Variants in CLPB observed in about 807,000 individuals in gnomAD.
CLPB encodes ClpB family mitochondrial disaggregase.
A neutral mutation model predicts 78.4 loss-of-function variants in CLPB; 40 were observed. That is an observed-to-expected ratio of 0.51 (90% CI 0.40 to 0.66). The LOEUF is 0.66. CLPB is among the 30% of genes least tolerant of loss of function. The pLI is 0.00. For missense variants in CLPB, 780 were observed against 886.9 expected, an observed-to-expected ratio of 0.88 and a Z score of 1.53; for synonymous variants, 333 against 348.0, an observed-to-expected ratio of 0.96 and a Z score of 0.48.
chr11:72,324,967 T>C (rs1313672988), intron 6 of CLPB, among the ~76,000 whole-genome samples: 1 of 152,094 alleles, frequency 6.6e-6, no homozygotes, highest in African/African-American at 2.4e-5. Context: ...AAATAAAATA[T>C]ATAGGATAGG....
At chr11:72,401,321 G>C (rs1426797847) in intron 3 of CLPB, among the ~76,000 whole-genome samples, 1 of 152,040 alleles carries the variant, frequency 6.6e-6, no homozygotes, top group Non-Finnish European at 1.5e-5. Flanking sequence ...TGCGCCTGTA[G>C]TCCCAGCTAC....
At chr11:72,343,940 C>T (rs1590820478) in intron 5 of CLPB, among the ~76,000 whole-genome samples, 1 of 152,074 alleles carries the variant, frequency 6.6e-6, no homozygotes, top group African/African-American at 2.4e-5. Flanking sequence ...TAATTATGGC[C>T]CCATTATGAC....
chr11:72,376,344 C>T (rs146576659), intron 4 of CLPB, among the ~76,000 whole-genome samples: 8 of 151,936 alleles, frequency 5.3e-5, no homozygotes, highest in East Asian at 1.9e-4. Flanking sequence ...TTTCCTTAAA[C>T]GGAAAAAGGA....
At chr11:72,355,672 G>A (rs1418356350) in intron 5 of CLPB, among the ~76,000 whole-genome samples, 1 of 152,180 alleles carries the variant, frequency 6.6e-6, no homozygotes, top group African/African-American at 2.4e-5. Flanking sequence ...TGAAGCCTGA[G>A]GTTCCCTTTC....
In CLPB at chr11:72,380,271, C is replaced by A. The variant is rs1352562075; in HGVS notation, c.646+10G>T. 6.2e-7 allele frequency: 1 copy of A among 1,601,366 alleles called. No homozygotes were observed. On this transcript the variant is annotated intron_variant, in intron 4 of 15. Transcript: ENST00000538039. ...AGAGCTCTCAGAGAAGCAGGACAGC[C>A]CACACTTACCTTCCAAAGAATGGAT...
At position 72,294,015 on chromosome 11, in the gene CLPB, T is replaced by C. The variant is rs745442561; in HGVS notation, c.1785+7A>G. The stretch of plus-strand genomic sequence containing the variant: ...AGGCGCCTCATTTCTCAGGCTCCTG[T>C]GCTCACCTCATGTTTGATGGAGCGG... On this transcript the variant is annotated splice_region_variant and intron_variant, in intron 15 of 15. Coordinates refer to ENST00000538039, the MANE Select transcript of CLPB (RefSeq NM_001258392.3). 11 of 1,612,470 alleles carry C rather than the reference T, an allele frequency of 6.8e-6. No homozygotes were observed. The highest frequency in any genetic ancestry group is 1.6e-4 in the Middle Eastern group (1 of 6,080).
intron 5 of CLPB, chr11:72,355,176 A>T (rs1950687850): frequency 6.6e-6 from 1 of 152,212 alleles, no homozygotes; most frequent in East Asian, 1.9e-4. Flanking sequence ...AGACGACGTT[A>T]AGCAGTCTGT....
intron 5 of CLPB, among the ~76,000 whole-genome samples, chr11:72,334,925 C>T (rs775908772): frequency 2.0e-5 from 3 of 152,250 alleles, no homozygotes; most frequent in Non-Finnish European, 2.9e-5. Flanking sequence ...CCTGGCAGCA[C>T]TGCTGCGGCT....
chr11:72,336,861 T>G (rs113892036), intron 5 of CLPB: 7,797 of 382,296 alleles, frequency 0.02, 356 homozygotes, highest in African/African-American at 0.12. Context: ...GCACCTTCCC[T>G]GTGTCCACGC....
At chr11:72,422,363 G>T (rs1036926526) in intron 2 of CLPB, among the ~76,000 whole-genome samples, 2 of 151,810 alleles carry the variant, frequency 1.3e-5, no homozygotes, top group African/African-American at 4.8e-5. Context: ...ACTTAGGGTA[G>T]GTCAGTGACT....
intron 7 of CLPB, among the ~76,000 whole-genome samples, chr11:72,314,575 A>G (rs1242320534): frequency 6.6e-6 from 1 of 152,162 alleles, no homozygotes; most frequent in African/African-American, 2.4e-5. Context: ...CTTTAATTTA[A>G]CAAACTGCAC....
At chr11:72,423,376 CT>C (rs1856266529) in intron 2 of CLPB, among the ~76,000 whole-genome samples, 3 of 152,196 alleles carry the variant, frequency 2.0e-5, no homozygotes, top group Admixed American at 2.0e-4. Context: ...CATTAAGACC[CT>C]TTTCTCCCTA....
At chr11:72,322,698 C>T (rs927357668) in intron 6 of CLPB, among the ~76,000 whole-genome samples, 4 of 152,200 alleles carry the variant, frequency 2.6e-5, no homozygotes, top group Admixed American at 1.3e-4. Flanking sequence ...TATCTCATAA[C>T]TGGTAGTCTT....
chr11:72,328,556 G>T (rs908627760), intron 6 of CLPB, among the ~76,000 whole-genome samples: 2 of 152,204 alleles, frequency 1.3e-5, no homozygotes, highest in Non-Finnish European at 2.9e-5. Flanking sequence ...TTCAGTCTCA[G>T]TCCAGGGAGC....
At chr11:72,397,633 G>T (rs1052977789) in intron 3 of CLPB, among the ~76,000 whole-genome samples, 1 of 152,100 alleles carries the variant, frequency 6.6e-6, no homozygotes, top group East Asian at 1.9e-4. Context: ...GTGCTTATTT[G>T]CCACCCATCT....
At chr11:72,306,761 A>G (rs1949752162) in intron 9 of CLPB, among the ~76,000 whole-genome samples, 1 of 152,220 alleles carries the variant, frequency 6.6e-6, no homozygotes, top group Admixed American at 6.5e-5. Context: ...GACTCCCATT[A>G]GCACAGCCAT....
intron 4 of CLPB, among the ~76,000 whole-genome samples, chr11:72,368,412 A>G (rs888662348): frequency 2.0e-5 from 3 of 152,238 alleles, no homozygotes; most frequent in Admixed American, 1.3e-4. Context: ...TGTATCTTAC[A>G]AAGTCACACT....
intron 2 of CLPB, among the ~76,000 whole-genome samples, chr11:72,415,328 T>C (rs1478953357): frequency 6.6e-6 from 1 of 152,224 alleles, no homozygotes; most frequent in Non-Finnish European, 1.5e-5. Context: ...TCTTCCCTTC[T>C]TTCCCAGATT....
At chr11:72,356,632 G>A (rs1950722145) in intron 5 of CLPB, among the ~76,000 whole-genome samples, 1 of 152,212 alleles carries the variant, frequency 6.6e-6, no homozygotes, top group Non-Finnish European at 1.5e-5. Context: ...AAGGCAGGTG[G>A]GAGAAATGTA....
Sources: allele counts gnomAD v4.1 joint callset (sites outside exome capture counted in the v4.1 genomes callset), GRCh38; gene constraint gnomAD v4.1.1; transcripts MANE v1.5; gene names NCBI Gene and HGNC (gene_info 2026-07-23, HGNC 2026-07-21).